The following SH3GL2 variants were observed in gnomAD, a reference collection of about 807,000 sequenced individuals.
SH3GL2 encodes endophilin-A1.
Under a neutral mutation model 46.0 loss-of-function variants are expected in SH3GL2, and 24 were observed. The ratio of observed to expected loss-of-function variants is 0.52; its 90% confidence interval spans 0.38 to 0.73. The LOEUF (loss-of-function observed/expected upper bound fraction) is 0.73. Ranked by LOEUF, SH3GL2 falls within the 30% of genes least tolerant of loss-of-function variation. SH3GL2 has a pLI of 0.00. For missense variants in SH3GL2, 413 were observed against 424.2 expected (o/e 0.97, Z 0.23); for synonymous variants, 196 against 147.1 (o/e 1.33, Z -2.40).
rs943867960 is a variant in SH3GL2, at chr9:17,752,867, C to T, written c.114+5733C>T. Among the ~76,000 whole-genome samples the T allele has an allele frequency of 4.6e-5, 7 of 152,120 alleles. No individual in the cohort carries two copies. The South Asian group carries it at 1.2e-3, about 27-fold the overall frequency. On this transcript the variant is annotated intron_variant, in intron 2 of 8. Coordinates refer to ENST00000380607, the MANE Select transcript of SH3GL2 (RefSeq NM_003026.5). The stretch of plus-strand genomic sequence containing the variant: ...CGATTGTCTCCCTCCTCCCACCCTC[C>T]ACCCTCCAATAGGTCCCAGTGTGTG...
chr9:17,618,951 C>A (rs529040338), intron 1 of SH3GL2, among the ~76,000 whole-genome samples: 1 of 151,878 alleles, frequency 6.6e-6, no homozygotes, highest in Non-Finnish European at 1.5e-5. Flanking sequence ...CTTTTAGTAA[C>A]GTTTATTGAT....
chr9:17,595,356 C>T (rs929240274), intron 1 of SH3GL2, among the ~76,000 whole-genome samples: 3 of 152,114 alleles, frequency 2.0e-5, no homozygotes, highest in Middle Eastern at 3.2e-3. Context: ...GATACGAATG[C>T]AAAAATCAAG....
intron 1 of SH3GL2, among the ~76,000 whole-genome samples, chr9:17,704,318 A>C (rs1821413385): frequency 6.6e-6 from 1 of 152,108 alleles, no homozygotes; most frequent in South Asian, 2.1e-4. Context: ...AAAATATTTT[A>C]TGCTCACAGA....
At chr9:17,658,177 C>T (rs1240630892) in intron 1 of SH3GL2, among the ~76,000 whole-genome samples, 1 of 152,164 alleles carries the variant, frequency 6.6e-6, no homozygotes, top group Non-Finnish European at 1.5e-5. Context: ...GATTAAGATG[C>T]TGCCTTTTGG....
chr9:17,728,479 T>A (rs1309648525), intron 1 of SH3GL2, among the ~76,000 whole-genome samples: 1 of 152,242 alleles, frequency 6.6e-6, no homozygotes, highest in African/African-American at 2.4e-5. Flanking sequence ...TGTATGTATG[T>A]ATTTATTTTT....
intron 1 of SH3GL2, among the ~76,000 whole-genome samples, chr9:17,639,414 A>G (rs568986332): frequency 6.6e-6 from 1 of 152,356 alleles, no homozygotes; most frequent in East Asian, 1.9e-4. Flanking sequence ...GTCTTAAAAG[A>G]AGATGCATAA....
chr9:17,664,440 T>C (rs1820295292), intron 1 of SH3GL2, among the ~76,000 whole-genome samples: 1 of 152,160 alleles, frequency 6.6e-6, no homozygotes, highest in South Asian at 2.1e-4. Flanking sequence ...CACAACTTTA[T>C]ACCTCTTTGC....
chr9:17,582,568 A>G (rs190498929), intron 1 of SH3GL2, among the ~76,000 whole-genome samples: 66 of 152,374 alleles, frequency 4.3e-4, no homozygotes, highest in Admixed American at 7.2e-4. Flanking sequence ...TCTATCATGC[A>G]TATGATGTGG....
intron 1 of SH3GL2, among the ~76,000 whole-genome samples, chr9:17,609,660 A>G (rs1818824483): frequency 6.6e-6 from 1 of 152,248 alleles, no homozygotes; most frequent in South Asian, 2.1e-4. Flanking sequence ...ACAACGTGAA[A>G]CGTTTAGATA....
chr9:17,732,151 A>G (rs886095045), intron 1 of SH3GL2, among the ~76,000 whole-genome samples: 1 of 152,122 alleles, frequency 6.6e-6, no homozygotes, highest in East Asian at 1.9e-4. Flanking sequence ...AACAATCATA[A>G]CAGCACATTA....
At chr9:17,616,738 CT>C (rs970105752) in intron 1 of SH3GL2, among the ~76,000 whole-genome samples, 12 of 151,146 alleles carry the variant, frequency 7.9e-5, no homozygotes, top group East Asian at 5.8e-4. Flanking sequence ...TAGTAAGTCC[CT>C]TTTTTTTTGT....
At chr9:17,654,144 T>G (rs1820016380) in intron 1 of SH3GL2, among the ~76,000 whole-genome samples, 1 of 152,294 alleles carries the variant, frequency 6.6e-6, no homozygotes, top group Admixed American at 6.5e-5. Context: ...GATGATCATC[T>G]TTCCCAGTTG....
At chr9:17,648,350 G>T (rs1305814811) in intron 1 of SH3GL2, among the ~76,000 whole-genome samples, 1 of 152,090 alleles carries the variant, frequency 6.6e-6, no homozygotes, top group Non-Finnish European at 1.5e-5. Context: ...AACGCTGTTA[G>T]GTAGCCAGTT....
chr9:17,706,004 A>C (rs1045885059), intron 1 of SH3GL2, among the ~76,000 whole-genome samples: 27 of 152,074 alleles, frequency 1.8e-4, no homozygotes, highest in African/African-American at 5.1e-4. Context: ...TTTAATAAAA[A>C]AAATTTTGGA....
chr9:17,636,908 T>C (rs1047221398), intron 1 of SH3GL2, among the ~76,000 whole-genome samples: 5 of 152,320 alleles, frequency 3.3e-5, no homozygotes, highest in Non-Finnish European at 7.3e-5. Flanking sequence ...TCCTAGTGTG[T>C]TGGATACTAG....
chr9:17,682,039 G>A (rs745516647), intron 1 of SH3GL2, among the ~76,000 whole-genome samples: 86 of 152,184 alleles, frequency 5.7e-4, no homozygotes, highest in Middle Eastern at 6.8e-3. Context: ...AGTCAGAATG[G>A]CGATTATTAA....
intron 1 of SH3GL2, among the ~76,000 whole-genome samples, chr9:17,692,924 A>G (rs1408974863): frequency 1.3e-5 from 2 of 152,106 alleles, no homozygotes; most frequent in Non-Finnish European, 2.9e-5. Context: ...TGATAAACCC[A>G]TCAGATCTCA....
At chr9:17,594,728 GAT>G (rs1273818924) in intron 1 of SH3GL2, among the ~76,000 whole-genome samples, 1 of 152,086 alleles carries the variant, frequency 6.6e-6, no homozygotes. Flanking sequence ...CAGTCTCCTT[GAT>G]GGTATCCTCT....
intron 1 of SH3GL2, among the ~76,000 whole-genome samples, chr9:17,621,607 A>G (rs925651296): frequency 2.6e-5 from 4 of 152,234 alleles, no homozygotes; most frequent in African/African-American, 9.6e-5. Context: ...AACTCTGTTT[A>G]AAGTATTGAT....
Sources: gnomAD v4.1 joint callset for allele counts (sites outside exome capture counted in the v4.1 genomes callset) on GRCh38, gnomAD v4.1.1 for gene constraint, MANE v1.5 for transcripts, NCBI Gene and HGNC (gene_info 2026-07-23, HGNC 2026-07-21) for gene names.